The following SNN variants were observed in gnomAD, a reference collection of about 807,000 sequenced individuals.
SNN encodes stannin, also known as AG8_1.
A neutral mutation model predicts 5.3 loss-of-function variants in SNN; 5 were observed. The observed-to-expected ratio is 0.94, with a 90% CI of 0.49 to 1.97. SNN has a LOEUF of 1.97. Ranked by LOEUF, SNN falls within the 30% of genes most tolerant of loss-of-function variation. The pLI, the probability that SNN is intolerant of heterozygous loss-of-function variation, is 0.01. For missense variants in SNN, 127 were observed against 121.6 expected (o/e 1.04, Z -0.21); for synonymous variants, 67 against 52.1 (o/e 1.29, Z -1.24).
At position 11,676,197 on chromosome 16, in the gene SNN, C is replaced by T. The variant is rs987259475; in HGVS notation, c.138C>T (p.Asp46=). The T allele has an allele frequency of 8.7e-6, 14 of 1,614,060 alleles. No homozygotes were observed. The highest frequency in any genetic ancestry group is 4.0e-5 in the African/African-American group (3 of 74,916). The change falls in exon 2 of 2, where the codon GAC becomes GAT. Residue 46 remains aspartate, a synonymous_variant. Coordinates refer to ENST00000329565, the MANE Select transcript of SNN (RefSeq NM_003498.6). ...LRLQRISQSE[D]EESIVGDGET... ...TGCAGCGCATCAGCCAGTCAGAGGA[C>T]GAGGAGAGCATCGTGGGGGATGGGG...
At chr16:11,674,629 C>T (rs2050286745) in intron 1 of SNN, among the ~76,000 whole-genome samples, 1 of 152,252 alleles carries the variant, frequency 6.6e-6, no homozygotes, top group Non-Finnish European at 1.5e-5. Context: ...ACATGTGGAG[C>T]ACAGGCTTGG....
At chr16:11,675,271 T>C (rs2050292728) in intron 1 of SNN, among the ~76,000 whole-genome samples, 2 of 145,590 alleles carry the variant, frequency 1.4e-5, no homozygotes, top group South Asian at 4.5e-4. Flanking sequence ...TTTTTTTTTT[T>C]TTTTTTGAAG....
rs557273795 is a variant in SNN at position 11,676,406 on chromosome 16, T to C, written c.*80T>C. 1.4e-6 allele frequency: 2 copies of C among 1,474,076 alleles called. No homozygotes were observed. Among genetic ancestry groups the C allele is most frequent in the East Asian group, 2.4e-5 (1 of 41,192 alleles). The allele number at this position is 1,474,076 out of a possible 1,614,324, so 91.3% of individuals were successfully genotyped here. ...GGGCAAAACCATACGGATGCGCTGC[T>C]GTCTGAGAGGAAGGGCTGACACTTG... is the stretch of plus-strand genomic sequence containing the variant. On this transcript the variant is annotated 3_prime_UTR_variant, in exon 2 of 2. Transcript: ENST00000329565.
intron 1 of SNN, among the ~76,000 whole-genome samples, chr16:11,674,565 C>T (rs924251779): frequency 2.0e-5 from 3 of 152,226 alleles, no homozygotes; most frequent in African/African-American, 7.2e-5. Context: ...CTCCGTGGCT[C>T]GGCCAGGTGG....
In SNN at chr16:11,672,895, C is replaced by T. The variant is rs1354066693; in HGVS notation, c.-85-3080C>T. Among the ~76,000 whole-genome samples the T allele has an allele frequency of 6.6e-6, 1 of 152,176 alleles. No homozygotes were observed. The highest frequency in any genetic ancestry group is 2.1e-4 in the South Asian group (1 of 4,826). ...ACTCAGGTGCCTCCTGGCCTGCCCA[C>T]CTGGCTTTGCCCCGCCTATCCCAGG... is the stretch of plus-strand genomic sequence containing the variant. On this transcript the variant is annotated intron_variant, in intron 1 of 1. Transcript: ENST00000329565. The surrounding 1 kb of genome is among the most constrained non-coding windows in gnomAD (Gnocchi z 6.0).
chr16:11,674,188 C>T (rs991924234), intron 1 of SNN, among the ~76,000 whole-genome samples: 1 of 152,206 alleles, frequency 6.6e-6, no homozygotes, highest in Non-Finnish European at 1.5e-5. Flanking sequence ...TCAGTCTTAT[C>T]CAAAGGGAAC....
At position 11,672,998 on chromosome 16, in the gene SNN, G is replaced by A. The variant is rs758081936; in HGVS notation, c.-85-2977G>A. ...CCCAAACACACACACTTCCCCTTCC[G>A]AATTGATACTGACTTGTCTTCCTGT... is the stretch of plus-strand genomic sequence containing the variant. On this transcript the variant is annotated intron_variant, in intron 1 of 1. Transcript: ENST00000329565. The surrounding 1 kb of genome is among the most constrained non-coding windows in gnomAD (Gnocchi z 6.0). 3.3e-5 allele frequency among the ~76,000 whole-genome samples: 5 copies of A among 152,070 alleles called. No individual in the cohort carries two copies. The highest frequency in any genetic ancestry group is 7.3e-5 in the Non-Finnish European group (5 of 68,030).
At position 11,676,315 on chromosome 16, in the gene SNN, G is replaced by T; in HGVS notation, c.256G>T (p.Val86Phe). The change falls in exon 2 of 2, where the codon GTC becomes TTC. Residue 86 changes from valine to phenylalanine, a missense_variant. Physicochemically the swap from Val to Phe is conservative, Grantham distance 50 (BLOSUM62 -1). Coordinates refer to ENST00000329565, the MANE Select transcript of SNN (RefSeq NM_003498.6). ...GCTGATGACTCCCAACGGCCCGGAA[G>T]TCCACGGCTGAGCCAGGATGCAAGG... ...AKLMTPNGPEVHG is the reference protein window; with the variant it reads ...AKLMTPNGPEFHG The T allele has an allele frequency of 6.2e-7, 1 of 1,612,320 alleles. No individual in the cohort carries two copies. The highest frequency in any genetic ancestry group is 2.2e-5 in the East Asian group (1 of 44,822).
chr16:11,674,946 C>T (rs910696907), intron 1 of SNN, among the ~76,000 whole-genome samples: 3 of 152,152 alleles, frequency 2.0e-5, no homozygotes, highest in Non-Finnish European at 1.5e-5. Flanking sequence ...AGGGAGGGAG[C>T]CTCTGTCTCA....
chr16:11,676,256 C>T lies in SNN; in HGVS notation c.197C>T (p.Ser66Leu). The change falls in exon 2 of 2, where the codon TCG becomes TTG. Residue 66 changes from serine (S) to leucine (L), a missense_variant. Coordinates refer to ENST00000329565, the MANE Select transcript of SNN (RefSeq NM_003498.6). The part of the protein sequence containing the change: ...TKEPFLLVQY[S>L]AKGPCVERKA... ...GAACCCTTCCTGCTGGTGCAGTATTCGGCCAAGGGACCGTGCGTGGAGAGA... is the reference window on the plus strand; with the variant it reads ...GAACCCTTCCTGCTGGTGCAGTATTTGGCCAAGGGACCGTGCGTGGAGAGA... The T allele has an allele frequency of 2.5e-6, 4 of 1,614,194 alleles. No individual in the cohort carries two copies. Among genetic ancestry groups the T allele is most frequent in the South Asian group, 1.1e-5 (1 of 91,092 alleles).
Position 11,668,915 on chromosome 16 carries a change from A to T in SNN, c.-86+375A>T, listed in dbSNP as rs569843009. On this transcript the variant is annotated intron_variant, in intron 1 of 1. Transcript: ENST00000329565. The surrounding 1 kb of genome is among the most constrained non-coding windows in gnomAD (Gnocchi z 6.8). The stretch of plus-strand genomic sequence containing the variant: ...CTTCAAAATTCTGGGAGCTCCGGGG[A>T]GGGCTCCGGGGATAGGGGTCCAGGT... Among the ~76,000 whole-genome samples, 309 of 151,308 alleles carry T rather than the reference A, an allele frequency of 2.0e-3. 1 individual carries two copies. The highest frequency in any genetic ancestry group is 3.3e-3 in the Non-Finnish European group (221 of 67,750).
intron 1 of SNN, among the ~76,000 whole-genome samples, chr16:11,673,224 C>T (rs1419732727): frequency 6.6e-6 from 1 of 152,076 alleles, no homozygotes; most frequent in Non-Finnish European, 1.5e-5. Context: ...GGTCCCCTGT[C>T]CAGTCTGGAG....
Position 11,676,272 on chromosome 16 carries a change from C to A in SNN, c.213C>A (p.Cys71Ter), listed in dbSNP as rs755344205. 2 of 1,614,008 alleles carry A rather than the reference C, an allele frequency of 1.2e-6. No homozygotes were observed. The highest frequency in any genetic ancestry group is 1.7e-6 in the Non-Finnish European group (2 of 1,180,018). ...TGCAGTATTCGGCCAAGGGACCGTG[C>A]GTGGAGAGAAAGGCCAAGCTGATGA... Reference protein sequence around the residue: ...LLVQYSAKGPCVERKAKLMTP... With the variant: ...LLVQYSAKGP Residue 71 changes from cysteine to a stop codon, truncating the protein, a stop_gained, in exon 2 of 2, where the codon TGC (cysteine) becomes TGA (stop). Transcript: ENST00000329565. LOFTEE classifies it high-confidence loss of function.
chr16:11,674,636 T>TTGGCC (rs1391293036), intron 1 of SNN, among the ~76,000 whole-genome samples: 1 of 152,370 alleles, frequency 6.6e-6, no homozygotes, highest in East Asian at 1.9e-4. Flanking sequence ...GAGCACAGGC[T>TTGGCC]TGGCCTGGCC....
At position 11,678,354 on chromosome 16, in the gene SNN, A is replaced by C. The variant is rs899323533; in HGVS notation, c.*2028A>C. 6.0e-6 allele frequency: 1 copy of C among 166,934 alleles called. No individual in the cohort carries two copies. The highest frequency in any genetic ancestry group is 1.5e-5 in the Non-Finnish European group (1 of 68,114). The allele number at this position is 166,934 out of a possible 1,614,324, so 10.3% of individuals were successfully genotyped here. ...TTCCAGGCTTTCTACCTCGACTCTC[A>C]CCACAGCCAGCACATACACCTAGGC... is the stretch of plus-strand genomic sequence containing the variant. On this transcript the variant is annotated 3_prime_UTR_variant, in exon 2 of 2. Transcript: ENST00000329565.
At position 11,678,826 on chromosome 16, in the gene SNN, T is replaced by C. The variant is rs868546249; in HGVS notation, c.*2500T>C. 17 of 241,756 alleles carry C rather than the reference T, an allele frequency of 7.0e-5. No individual in the cohort carries two copies. Among genetic ancestry groups the C allele is most frequent in the South Asian group, 6.6e-4 (12 of 18,116 alleles). The allele number at this position is 241,756 out of a possible 1,614,324, so 15.0% of individuals were successfully genotyped here. On this transcript the variant is annotated 3_prime_UTR_variant, in exon 2 of 2. Transcript: ENST00000329565. The stretch of plus-strand genomic sequence containing the variant: ...AGGTTATGACCTCTCTGGATTATTT[T>C]TGAATGCCCAACTGTTGCATTCAAG...
rs150478101 is a variant in SNN, at chr16:11,677,230, G to C, written c.*904G>C. 1.0e-4 allele frequency: 17 copies of C among 167,364 alleles called. No homozygotes were observed. The highest frequency in any genetic ancestry group is 1.5e-4 in the Non-Finnish European group (10 of 68,216). 10.4% of individuals were successfully genotyped at this position (167,364 alleles called of 1,614,324 possible). A position where few individuals can be genotyped will look rare whatever the true frequency, so the allele number is the denominator to read the frequency against. ...AGCCTGTGGTGGCTACTTTTGGTCT[G>C]AAACCCACTTGGCCCAGGAAAGAGA... On this transcript the variant is annotated 3_prime_UTR_variant, in exon 2 of 2. Transcript: ENST00000329565. The surrounding 1 kb of genome is among the most constrained non-coding windows in gnomAD (Gnocchi z 4.2).
chr16:11,678,047 AAC>A lies in SNN; in HGVS notation c.*1724_*1725del, dbSNP rs1268066055. ...CCACCTGAGCAGAAGGTGGTAATGA[AAC>A]ACCTCAGCTGGGCTCTTGGGAGACC... On this transcript the variant is annotated 3_prime_UTR_variant, in exon 2 of 2. Transcript: ENST00000329565. 6 of 167,260 alleles carry A rather than the reference AAC, an allele frequency of 3.6e-5. No homozygotes were observed. The highest frequency in any genetic ancestry group is 1.4e-4 in the African/African-American group (6 of 41,540). 10.4% of individuals were successfully genotyped at this position (167,260 alleles called of 1,614,324 possible).
In SNN at chr16:11,677,679, C is replaced by T. The variant is rs1273093771; in HGVS notation, c.*1353C>T. 3 of 166,984 alleles carry T rather than the reference C, an allele frequency of 1.8e-5. No individual in the cohort carries two copies. Among genetic ancestry groups the T allele is most frequent in the Non-Finnish European group, 4.4e-5 (3 of 68,120 alleles). The allele number at this position is 166,984 out of a possible 1,614,324, so 10.3% of individuals were successfully genotyped here. ...TCCCCTATGTACATTTCAGTGAGCT[C>T]ACTTTGATTTTTAATCCCACCACAA... On this transcript the variant is annotated 3_prime_UTR_variant, in exon 2 of 2. Transcript: ENST00000329565. The surrounding 1 kb of genome is among the most constrained non-coding windows in gnomAD (Gnocchi z 4.2).
Sources: allele counts gnomAD v4.1 joint callset (sites outside exome capture counted in the v4.1 genomes callset), GRCh38; gene constraint gnomAD v4.1.1; non-coding constraint Gnocchi (gnomAD v3.1); transcripts MANE v1.5; gene names NCBI Gene and HGNC (gene_info 2026-07-23, HGNC 2026-07-21).